TBC1D16: variants seen among roughly 807,000 people sequenced by gnomAD.
TBC1D16 encodes TBC1 domain family member 16, also known as CTD-2529O21.1.
Under a neutral mutation model 74.7 loss-of-function variants are expected in TBC1D16, and 58 were observed. The ratio of observed to expected loss-of-function variants is 0.78; its 90% CI spans 0.63 to 0.97. TBC1D16 has a LOEUF of 0.97. Ranked by LOEUF, TBC1D16 falls within the 50% of genes least tolerant of loss-of-function variation. TBC1D16 has a pLI of 0.00. For synonymous variants in TBC1D16, 493 were observed against 474.7 expected (o/e 1.04, Z -0.50); for missense variants, 1,014 against 1,079.5 (o/e 0.94, Z 0.85).
In TBC1D16 at chr17:79,961,550, T is replaced by C. The variant is rs760611696; in HGVS notation, c.780-8732A>G. 6.6e-6 allele frequency among the ~76,000 whole-genome samples: 1 copy of C among 152,228 alleles called. No individual in the cohort carries two copies. The highest frequency in any genetic ancestry group is 2.4e-5 in the African/African-American group (1 of 41,464). On this transcript the variant is annotated intron_variant, in intron 3 of 11. Coordinates refer to ENST00000310924, the MANE Select transcript of TBC1D16 (RefSeq NM_019020.4). The surrounding 1 kb of genome is among the most constrained non-coding windows in gnomAD (Gnocchi z 4.8). ...GCAAAGACTTGCACATAAATGTGTG[T>C]AACAGCTTTATCTAAAATAGCTAAG...
At position 79,945,375 on chromosome 17, in the gene TBC1D16, C is replaced by T. The variant is rs556109536; in HGVS notation, c.1729-288G>A. Among the ~76,000 whole-genome samples the T allele has an allele frequency of 3.3e-5, 5 of 152,282 alleles. No individual in the cohort carries two copies. In the South Asian group the frequency reaches 1.0e-3, roughly 32 times the overall value. On this transcript the variant is annotated intron_variant, in intron 9 of 11. Coordinates refer to ENST00000310924, the MANE Select transcript of TBC1D16 (RefSeq NM_019020.4). Reference sequence around the variant, plus strand: ...CCGGGCGTGGCAGGACGCTGGCAGCCGCTCCATGGCCAGGAAGGCTCCCCA... The same window carrying T: ...CCGGGCGTGGCAGGACGCTGGCAGCTGCTCCATGGCCAGGAAGGCTCCCCA...
At chr17:80,004,367 T>C (rs1456909433) in intron 3 of TBC1D16, among the ~76,000 whole-genome samples, 3 of 152,254 alleles carry the variant, frequency 2.0e-5, no homozygotes, top group East Asian at 3.9e-4. Context: ...CAACACTGCA[T>C]GGACCATTTG....
At chr17:79,967,494 C>T (rs141438073) in intron 3 of TBC1D16, among the ~76,000 whole-genome samples, 62 of 152,052 alleles carry the variant, frequency 4.1e-4, no homozygotes, top group Middle Eastern at 6.8e-3. Context: ...TGGCAATGAA[C>T]GACACAAAAA....
At chr17:79,966,758 C>A (rs538662322) in intron 3 of TBC1D16, among the ~76,000 whole-genome samples, 2 of 152,068 alleles carry the variant, frequency 1.3e-5, no homozygotes, top group South Asian at 4.2e-4. Context: ...GAAGACATTA[C>A]AAGAATATAA....
chr17:80,027,671 C>T (rs970805599), intron 1 of TBC1D16, among the ~76,000 whole-genome samples: 31 of 151,234 alleles, frequency 2.0e-4, no homozygotes, highest in Middle Eastern at 3.5e-3. Context: ...GGCGGCAGAT[C>T]GCTTGAGGTC....
At chr17:80,014,182 C>T (rs2036006159) in intron 1 of TBC1D16, among the ~76,000 whole-genome samples, 1 of 152,014 alleles carries the variant, frequency 6.6e-6, no homozygotes, top group Non-Finnish European at 1.5e-5. Flanking sequence ...CATGGTGAAA[C>T]ATCATCTCTA....
At position 79,952,802 on chromosome 17, in the gene TBC1D16, C is replaced by A; in HGVS notation, c.796G>T (p.Asp266Tyr). 1 of 1,609,054 alleles carries A rather than the reference C, an allele frequency of 6.2e-7. No individual in the cohort carries two copies. The highest frequency in any genetic ancestry group is 8.5e-7 in the Non-Finnish European group (1 of 1,177,508). ...CTGTCCGGGAACCGCAGGCCGGCGT[C>A]GGAGCTGGACGGGGGGCTGGTGGAA... ...ESDSSPPSSS[D>Y]AGLRFPDSNG... The change falls in exon 4 of 12, where the codon GAC (aspartate) becomes TAC (tyrosine). Residue 266 changes from aspartate to tyrosine, a missense_variant. Coordinates refer to ENST00000310924, the MANE Select transcript of TBC1D16 (RefSeq NM_019020.4).
intron 1 of TBC1D16, among the ~76,000 whole-genome samples, chr17:80,019,143 T>C (rs1206039596): frequency 6.7e-6 from 1 of 150,140 alleles, no homozygotes; most frequent in East Asian, 1.9e-4. Context: ...AAAACCCTCT[T>C]TAAGTGAAAA....
chr17:79,941,101 T>A lies in TBC1D16; in HGVS notation c.2062A>T (p.Ser688Cys). The A allele has an allele frequency of 6.4e-7, 1 of 1,572,592 alleles. No individual in the cohort carries two copies. Among genetic ancestry groups the A allele is most frequent in the Non-Finnish European group, 8.7e-7 (1 of 1,155,866 alleles). The change falls in exon 12 of 12, where the codon AGT (serine) becomes TGT (cysteine). Residue 688 changes from serine to cysteine, a missense_variant. Transcript: ENST00000310924. This position sits in a 1 kb window ranked among gnomAD's most constrained non-coding sequence, Gnocchi z 4.3. ...AGGAGGCGGAACTGGTACAGCAAAC[T>A]CCTCGCCTGCAGACAGAGGACGGGG... ...NGELVLRKAR[S>C]LLYQFRLLPR... is the part of the protein sequence containing the mutation.
rs557544753 is a variant in TBC1D16 at position 80,005,604 on chromosome 17, G to A, written c.779+4556C>T. ...GGGTCTCAGGGCGGGGAGGCAGGACGACGCATTGGCGACAGCAGCTCTCCG... is the reference window on the plus strand; with the variant it reads ...GGGTCTCAGGGCGGGGAGGCAGGACAACGCATTGGCGACAGCAGCTCTCCG... On this transcript the variant is annotated intron_variant, in intron 3 of 11. Coordinates refer to ENST00000310924, the MANE Select transcript of TBC1D16 (RefSeq NM_019020.4). Among the ~76,000 whole-genome samples, 12 of 152,310 alleles carry A rather than the reference G, an allele frequency of 7.9e-5. 1 individual carries two copies. In the South Asian group the frequency reaches 1.7e-3, roughly 21 times the overall value.
intron 3 of TBC1D16, among the ~76,000 whole-genome samples, chr17:79,989,294 C>T (rs1598395342): frequency 6.6e-6 from 1 of 152,220 alleles, no homozygotes; most frequent in Non-Finnish European, 1.5e-5. Context: ...AGGACCTGCC[C>T]GACGGGTTTT....
At chr17:79,955,840 C>T (rs911666809) in intron 3 of TBC1D16, among the ~76,000 whole-genome samples, 1 of 152,214 alleles carries the variant, frequency 6.6e-6, no homozygotes, top group Non-Finnish European at 1.5e-5. Context: ...CCACAGTAAA[C>T]TATGCCATGT....
rs2144651331 is a variant in TBC1D16, at chr17:80,008,470, C to T, written c.779+1690G>A. ...CTCAGCCCCAAGACCGTGGGCCAAC[C>T]CCACCACCTCTCTGAGACACAACTG... On this transcript the variant is annotated intron_variant, in intron 3 of 11. Coordinates refer to ENST00000310924, the MANE Select transcript of TBC1D16 (RefSeq NM_019020.4). The surrounding 1 kb of genome is among the most constrained non-coding windows in gnomAD (Gnocchi z 4.5). Among the ~76,000 whole-genome samples the T allele has an allele frequency of 1.3e-5, 2 of 152,284 alleles. No individual in the cohort carries two copies. Among genetic ancestry groups the T allele is most frequent in the South Asian group, 4.1e-4 (2 of 4,822 alleles).
In TBC1D16 at chr17:80,000,726, C is replaced by A. The variant is rs147213408; in HGVS notation, c.779+9434G>T. Reference sequence around the variant, plus strand: ...CCCTCTGTGCAGAGCTTTACACGCACGGCCTTCCTGAACCCCCACAATGCC... The same window carrying A: ...CCCTCTGTGCAGAGCTTTACACGCAAGGCCTTCCTGAACCCCCACAATGCC... On this transcript the variant is annotated intron_variant, in intron 3 of 11. Transcript: ENST00000310924. The surrounding 1 kb of genome is among the most constrained non-coding windows in gnomAD (Gnocchi z 4.1). Among the ~76,000 whole-genome samples, 1 of 152,186 alleles carries A rather than the reference C, an allele frequency of 6.6e-6. No individual in the cohort carries two copies. The highest frequency in any genetic ancestry group is 1.5e-5 in the Non-Finnish European group (1 of 68,030).
In TBC1D16 at chr17:79,935,762, A is replaced by G. The variant is rs1428135950; in HGVS notation, c.*5097T>C. On this transcript the variant is annotated 3_prime_UTR_variant, in exon 12 of 12. Transcript: ENST00000310924. ...GTGATTACATTTAAAAACCAAAACA[A>G]AACAAAACAAAATACCAAGAACAGA... The G allele has an allele frequency of 6.6e-6, 1 of 152,220 alleles. No homozygotes were observed. Among genetic ancestry groups the G allele is most frequent in the African/African-American group, 2.4e-5 (1 of 41,436 alleles). The allele number at this position is 152,220 out of a possible 1,614,324, so 9.4% of individuals were successfully genotyped here.
intron 1 of TBC1D16, among the ~76,000 whole-genome samples, chr17:80,030,637 G>A (rs774358992): frequency 1.1e-4 from 17 of 152,178 alleles, no homozygotes; most frequent in Non-Finnish European, 2.1e-4. Flanking sequence ...CCGGCCTCAG[G>A]GCCACCTTGG....
Position 80,013,532 on chromosome 17 carries a change from G to A in TBC1D16, c.16C>T (p.Leu6Phe). 1 of 1,539,112 alleles carries A rather than the reference G, an allele frequency of 6.5e-7. No individual in the cohort carries two copies. Among genetic ancestry groups the A allele is most frequent in the Non-Finnish European group, 8.7e-7 (1 of 1,143,086 alleles). MSLGRLLRRASSKASD... is the reference protein window; with the variant it reads MSLGRFLRRASSKASD... ...GCTTTGGAGGAGGCCCTGCGAAGGAGGCGGCCCAGAGACATTGCCGGGCAA... is the reference window on the plus strand; with the variant it reads ...GCTTTGGAGGAGGCCCTGCGAAGGAAGCGGCCCAGAGACATTGCCGGGCAA... The change falls in exon 2 of 12, where the codon CTC becomes TTC. Residue 6 changes from leucine (L) to phenylalanine (F), a missense_variant. Transcript: ENST00000310924.
At position 79,937,502 on chromosome 17, in the gene TBC1D16, GGCA is replaced by G. The variant is rs1336774772; in HGVS notation, c.*3354_*3356del. On this transcript the variant is annotated 3_prime_UTR_variant, in exon 12 of 12. Coordinates refer to ENST00000310924, the MANE Select transcript of TBC1D16 (RefSeq NM_019020.4). ...TGGACATGGAAACCTCCCCCTGCCTGGCACTTCGGCTGGTCAGGAACAGTGGCT... is the reference window on the plus strand; with the variant it reads ...TGGACATGGAAACCTCCCCCTGCCTGCTTCGGCTGGTCAGGAACAGTGGCT... 6.6e-6 allele frequency: 1 copy of G among 152,302 alleles called. No individual in the cohort carries two copies. Among genetic ancestry groups the G allele is most frequent in the Non-Finnish European group, 1.5e-5 (1 of 68,094 alleles). 9.4% of individuals were successfully genotyped at this position (152,302 alleles called of 1,614,324 possible).
chr17:79,949,641 C>A, intron 7 of TBC1D16, 76 bp downstream of exon 7: 1 of 1,525,838 alleles, frequency 6.6e-7, no homozygotes, highest in Non-Finnish European at 8.9e-7. Flanking sequence ...TGCTGAATTG[C>A]ACCTCAAATT....
Sources: allele counts gnomAD v4.1 joint callset (sites outside exome capture counted in the v4.1 genomes callset), GRCh38; gene constraint gnomAD v4.1.1; non-coding constraint Gnocchi (gnomAD v3.1); transcripts MANE v1.5; gene names NCBI Gene and HGNC (gene_info 2026-07-23, HGNC 2026-07-21).